Variants in ANTXR2 observed in about 807,000 individuals in gnomAD.
ANTXR2 encodes ANTXR cell adhesion molecule 2.
ANTXR2 carries 44 observed loss-of-function variants against 73.7 expected under a neutral mutation model. That is an observed-to-expected ratio of 0.60 (90% CI 0.47 to 0.77). The LOEUF (loss-of-function observed/expected upper bound fraction) is 0.77. ANTXR2 is among the 30% of genes least tolerant of loss of function. The pLI is 0.00. For missense variants in ANTXR2, 604 were observed against 592.5 expected, an observed-to-expected ratio of 1.02 and a Z score of -0.20; for synonymous variants, 217 against 205.9, an observed-to-expected ratio of 1.05 and a Z score of -0.46.
At chr4:79,985,043 G>A (rs751600787) in intron 12 of ANTXR2, among the ~76,000 whole-genome samples, 180 bp from the exon 13 acceptor site, 1 of 151,906 alleles carries the variant, frequency 6.6e-6, no homozygotes, top group Non-Finnish European at 1.5e-5. Context: ...ACTAGCTTTC[G>A]GCAAATAGAA....
rs1294422747 is a variant in ANTXR2, at chr4:79,926,950, T to TACAC, written c.1429-19484_1429-19483insGTGT. On this transcript the variant is annotated intron_variant, in intron 16 of 16. Transcript: ENST00000403729. ...ATACACATGTGCATATATGTGTATATATACGTGTGCATATATGTGTATATA... is the reference window on the plus strand; with the variant it reads ...ATACACATGTGCATATATGTGTATATACACATACGTGTGCATATATGTGTATATA... Among the ~76,000 whole-genome samples, 15 of 65,846 alleles carry TACAC rather than the reference T, an allele frequency of 2.3e-4. 1 individual carries two copies. Among genetic ancestry groups the TACAC allele is most frequent in the African/African-American group, 6.8e-4 (14 of 20,614 alleles). 43.2% of individuals were successfully genotyped at this position (65,846 alleles called of 152,430 possible).
At chr4:80,012,284 T>C (rs1264850460) in intron 11 of ANTXR2, among the ~76,000 whole-genome samples, 5 of 152,040 alleles carry the variant, frequency 3.3e-5, no homozygotes, top group East Asian at 1.9e-4. Flanking sequence ...TAGGAAACTA[T>C]GGTACAAGAG....
Position 80,055,444 on chromosome 4 carries a change from T to G in ANTXR2, c.402A>C (p.Ala134=). Residue 134 remains alanine, a synonymous_variant, in exon 5 of 17, where the codon GCA becomes GCC. Transcript: ENST00000403729. ...LKLANEQIQK[A]GGLKTSSIII... is the part of the protein sequence containing the mutation. The stretch of plus-strand genomic sequence containing the variant: ...TGATACTGGAGGTTTTCAAGCCTCC[T>G]GCTTTCTGAATTTGTTCATTCGCCT... 6 of 1,610,524 alleles carry G rather than the reference T, an allele frequency of 3.7e-6. No homozygotes were observed. Among genetic ancestry groups the G allele is most frequent in the Non-Finnish European group, 5.1e-6 (6 of 1,177,936 alleles).
chr4:79,957,686 C>T (rs764866406), intron 16 of ANTXR2, among the ~76,000 whole-genome samples: 19 of 151,860 alleles, frequency 1.3e-4, no homozygotes, highest in Non-Finnish European at 2.4e-4. Context: ...AGTTTAGAGC[C>T]TTATCTGTTT....
At chr4:80,057,003 GAT>G (rs1380867131) in intron 3 of ANTXR2, among the ~76,000 whole-genome samples, 1 of 151,824 alleles carries the variant, frequency 6.6e-6, no homozygotes, top group African/African-American at 2.4e-5. Context: ...GATATCTTAA[GAT>G]ATTGTTTTCA....
intron 11 of ANTXR2, among the ~76,000 whole-genome samples, chr4:80,013,488 G>A (rs1578154900): frequency 6.6e-6 from 1 of 152,208 alleles, no homozygotes; most frequent in Non-Finnish European, 1.5e-5. Context: ...TTATTTGTGA[G>A]ATTTTAACAA....
At chr4:80,062,858 C>T (rs962756620) in intron 3 of ANTXR2, among the ~76,000 whole-genome samples, 1 of 152,138 alleles carries the variant, frequency 6.6e-6, no homozygotes, top group South Asian at 2.1e-4. Flanking sequence ...GAGCATAGTC[C>T]TTTGATTTCT....
At chr4:79,923,818 T>C (rs966948990) in intron 16 of ANTXR2, among the ~76,000 whole-genome samples, 1 of 152,138 alleles carries the variant, frequency 6.6e-6, no homozygotes, top group African/African-American at 2.4e-5. Context: ...AAGCATGGTT[T>C]TTCTTCACAC....
intron 16 of ANTXR2, among the ~76,000 whole-genome samples, chr4:79,962,180 T>C (rs1729170527): frequency 6.6e-6 from 1 of 152,162 alleles, no homozygotes; most frequent in Admixed American, 6.5e-5. Context: ...CATGAATTTG[T>C]TATTTTCCAC....
chr4:79,966,908 G>GAAGGCTTCATTTGTTCACAA (rs1479051560), intron 16 of ANTXR2, among the ~76,000 whole-genome samples: 2 of 81,820 alleles, frequency 2.4e-5, no homozygotes, highest in African/African-American at 5.6e-5. Flanking sequence ...TAGGGCGTCC[G>GAAGGCTTCATTTGTTCACAA]GGGAGGAGCC....
At chr4:80,012,924 T>A (rs1376137098) in intron 11 of ANTXR2, among the ~76,000 whole-genome samples, 1 of 152,202 alleles carries the variant, frequency 6.6e-6, no homozygotes, top group African/African-American at 2.4e-5. Context: ...AAAATTAACA[T>A]AATCTGAACA....
intron 16 of ANTXR2, among the ~76,000 whole-genome samples, chr4:79,920,905 C>G (rs1727568578): frequency 6.6e-6 from 1 of 152,040 alleles, no homozygotes; most frequent in Admixed American, 6.6e-5. Context: ...CAGACAATAT[C>G]AGACTAAAGA....
intron 1 of ANTXR2, 149 bp from the exon 2 acceptor site, chr4:80,071,803 G>A (rs1298361699): frequency 1.3e-5 from 8 of 631,024 alleles, no homozygotes; most frequent in African/African-American, 5.6e-5. Flanking sequence ...TGAAACTTTG[G>A]TGGTACCCAG....
At chr4:79,977,834 A>G in intron 15 of ANTXR2, 133 bp from the exon 16 acceptor site, 4 of 1,237,870 alleles carry the variant, frequency 3.2e-6, no homozygotes, top group Non-Finnish European at 4.5e-6. Context: ...ACTAATAAGT[A>G]ATAAAAACCT....
chr4:80,021,146 T>A (rs1331531835), intron 10 of ANTXR2, among the ~76,000 whole-genome samples: 2 of 66,124 alleles, frequency 3.0e-5, no homozygotes, highest in Non-Finnish European at 5.8e-5. Context: ...CGAGACTCCA[T>A]CTCAAAAAAA....
chr4:79,974,012 T>C (rs1729532105), intron 16 of ANTXR2, among the ~76,000 whole-genome samples: 2 of 152,202 alleles, frequency 1.3e-5, no homozygotes, highest in African/African-American at 2.4e-5. Context: ...GGTGAATAGA[T>C]AGATATACAT....
chr4:79,951,634 G>A (rs572428946), intron 16 of ANTXR2, among the ~76,000 whole-genome samples: 9 of 151,750 alleles, frequency 5.9e-5, no homozygotes, highest in African/African-American at 2.2e-4. Context: ...ACGGGACTTA[G>A]ATTTATTCTC....
intron 10 of ANTXR2, among the ~76,000 whole-genome samples, chr4:80,022,560 T>C (rs1320344641): frequency 6.6e-6 from 1 of 152,180 alleles, no homozygotes; most frequent in African/African-American, 2.4e-5. Context: ...ACTATACATA[T>C]TTAGTGTTTT....
chr4:80,013,009 G>A (rs140633003), intron 11 of ANTXR2, among the ~76,000 whole-genome samples: 19 of 152,274 alleles, frequency 1.2e-4, no homozygotes, highest in Non-Finnish European at 1.3e-4. Context: ...TGAACACAGC[G>A]TCTAGCACTT....
Sources: allele counts gnomAD v4.1 joint callset (sites outside exome capture counted in the v4.1 genomes callset), GRCh38; gene constraint gnomAD v4.1.1; transcripts MANE v1.5; gene names NCBI Gene and HGNC (gene_info 2026-07-23, HGNC 2026-07-21).